SH3BP5: variants seen among roughly 807,000 people sequenced by gnomAD.
SH3BP5 encodes SH3 domain binding protein 5, also known as SH3 domain-binding protein 5.
In SH3BP5, 22 loss-of-function variants were observed where a neutral mutation model predicts 43.3. That is an observed-to-expected ratio of 0.51 (90% CI 0.36 to 0.73). The LOEUF (loss-of-function observed/expected upper bound fraction) is 0.73. Ranked by LOEUF, SH3BP5 falls within the 30% of genes least tolerant of loss-of-function variation. The pLI is 0.00. For missense variants in SH3BP5, 529 were observed against 586.9 expected, an observed-to-expected ratio of 0.90 and a Z score of 1.02; for synonymous variants, 255 against 225.8, an observed-to-expected ratio of 1.13 and a Z score of -1.16.
At chr3:15,285,807 T>G (rs1472014190) in intron 3 of SH3BP5, among the ~76,000 whole-genome samples, 1 of 152,214 alleles carries the variant, frequency 6.6e-6, no homozygotes, top group Non-Finnish European at 1.5e-5. Flanking sequence ...CACTCAGCAC[T>G]GTTTGTTGCC....
chr3:15,317,845 C>T (rs1559456181), intron 2 of SH3BP5, among the ~76,000 whole-genome samples: 1 of 152,254 alleles, frequency 6.6e-6, no homozygotes, highest in East Asian at 1.9e-4. Context: ...AGATAAAGAT[C>T]CTCTCCCAAG....
At chr3:15,297,927 G>A (rs1156971359) in intron 3 of SH3BP5, among the ~76,000 whole-genome samples, 3 of 151,618 alleles carry the variant, frequency 2.0e-5, no homozygotes, top group African/African-American at 7.3e-5. Context: ...GTTTTAGGGT[G>A]GTTGGCTTCA....
chr3:15,329,060 G>A (rs927227816), intron 2 of SH3BP5, among the ~76,000 whole-genome samples: 1 of 152,034 alleles, frequency 6.6e-6, no homozygotes, highest in Admixed American at 6.5e-5. Context: ...TGAGGAATGA[G>A]AATCACTTGA....
intron 3 of SH3BP5, among the ~76,000 whole-genome samples, chr3:15,292,213 ACATCTGAAGAG>A (rs2125095089): frequency 6.6e-6 from 1 of 152,292 alleles, no homozygotes; most frequent in African/African-American, 2.4e-5. Context: ...AAGGAAGGAA[ACATCTGAAGAG>A]CATCATGGTT....
intron 3 of SH3BP5, among the ~76,000 whole-genome samples, chr3:15,301,960 G>A (rs531458935): frequency 2.6e-5 from 4 of 152,280 alleles, no homozygotes; most frequent in South Asian, 2.1e-4. Context: ...GCATGGGCAC[G>A]TGGGCTGCTT....
intron 2 of SH3BP5, among the ~76,000 whole-genome samples, chr3:15,311,516 C>T (rs527741109): frequency 5.3e-5 from 8 of 151,986 alleles, no homozygotes; most frequent in South Asian, 4.2e-4. Flanking sequence ...GCTGAGATCA[C>T]GCCACTGCAC....
chr3:15,284,050 A>C (rs1328198868), intron 3 of SH3BP5, among the ~76,000 whole-genome samples: 3 of 152,196 alleles, frequency 2.0e-5, no homozygotes, highest in Admixed American at 6.5e-5. Flanking sequence ...TGGAGAGAAG[A>C]AGCACCAATG....
chr3:15,295,739 C>T (rs1430495408), intron 3 of SH3BP5, among the ~76,000 whole-genome samples: 1 of 152,188 alleles, frequency 6.6e-6, no homozygotes, highest in East Asian at 1.9e-4. Context: ...ATCCGCTGTG[C>T]ATGACGAAGC....
Position 15,262,223 on chromosome 3 carries a change from T to C in SH3BP5, c.562A>G (p.Asn188Asp), listed in dbSNP as rs1439165209. Residue 188 changes from asparagine (N) to aspartate (D), a missense_variant, in exon 5 of 9, where the codon AAT becomes GAT. Transcript: ENST00000383791. ...TGTCGCATGCGGCCCATGGCGGCAT[T>C]GTACCTGGCTGCCGTCTCCTTATGC... Reference protein sequence around the residue: ...LVHKETAARYNAAMGRMRQLE... With the variant: ...LVHKETAARYDAAMGRMRQLE... The C allele has an allele frequency of 6.2e-7, 1 of 1,614,200 alleles. No homozygotes were observed. Among genetic ancestry groups the C allele is most frequent in the Non-Finnish European group, 8.5e-7 (1 of 1,180,022 alleles).
intron 1 of SH3BP5, among the ~76,000 whole-genome samples, chr3:15,331,611 G>C (rs1575359442): frequency 6.6e-6 from 1 of 152,166 alleles, no homozygotes; most frequent in African/African-American, 2.4e-5. Flanking sequence ...GCCTCCACGC[G>C]TCAGCTTTGC....
chr3:15,328,927 A>G (rs1698532232), intron 2 of SH3BP5, among the ~76,000 whole-genome samples: 1 of 152,184 alleles, frequency 6.6e-6, no homozygotes, highest in Non-Finnish European at 1.5e-5. Context: ...TATAGTGGCA[A>G]CTGGGCTCTT....
At chr3:15,261,643 C>T (rs147821145) in intron 5 of SH3BP5, among the ~76,000 whole-genome samples, 2 of 152,160 alleles carry the variant, frequency 1.3e-5, no homozygotes, top group East Asian at 3.9e-4. Context: ...GTTGTGCCTG[C>T]CCACCATTAT....
chr3:15,273,841 G>A (rs1696884020), intron 3 of SH3BP5, among the ~76,000 whole-genome samples: 1 of 152,110 alleles, frequency 6.6e-6, no homozygotes, highest in African/African-American at 2.4e-5. Context: ...TGGACTGAAT[G>A]TTTGTGCCCA....
At chr3:15,267,574 C>T (rs990069257) in intron 4 of SH3BP5, among the ~76,000 whole-genome samples, 1 of 152,228 alleles carries the variant, frequency 6.6e-6, no homozygotes, top group Non-Finnish European at 1.5e-5. Flanking sequence ...GGGCCCTTCC[C>T]TTCAGTGGCC....
At chr3:15,289,276 A>G (rs1483300130) in intron 3 of SH3BP5, among the ~76,000 whole-genome samples, 2 of 152,190 alleles carry the variant, frequency 1.3e-5, no homozygotes, top group African/African-American at 4.8e-5. Flanking sequence ...ACCTGTGACT[A>G]CCTGACCAAG....
intron 3 of SH3BP5, among the ~76,000 whole-genome samples, chr3:15,303,802 T>C (rs560630892): frequency 6.6e-6 from 1 of 152,240 alleles, no homozygotes; most frequent in East Asian, 1.9e-4. Flanking sequence ...TTCCTACTGC[T>C]GTCTGACAGG....
intron 2 of SH3BP5, among the ~76,000 whole-genome samples, chr3:15,316,219 C>CTTTTTTTTT (rs577644493): frequency 4.9e-5 from 4 of 81,686 alleles, no homozygotes; most frequent in East Asian, 4.0e-4. Flanking sequence ...AAAAGACTCG[C>CTTTTTTTTT]TTTTTTTTTT....
At chr3:15,279,747 A>C (rs1463506647) in intron 3 of SH3BP5, among the ~76,000 whole-genome samples, 1 of 152,120 alleles carries the variant, frequency 6.6e-6, no homozygotes, top group Non-Finnish European at 1.5e-5. Context: ...AGTCATCCAG[A>C]CTAACCAGGG....
At chr3:15,268,968 A>G (rs1343662382) in intron 4 of SH3BP5, among the ~76,000 whole-genome samples, 5 of 152,136 alleles carry the variant, frequency 3.3e-5, no homozygotes, top group Non-Finnish European at 7.4e-5. Context: ...CTACCAATGC[A>G]CTTCTCATCC....
Sources: allele counts gnomAD v4.1 joint callset (sites outside exome capture counted in the v4.1 genomes callset), GRCh38; gene constraint gnomAD v4.1.1; transcripts MANE v1.5; gene names NCBI Gene and HGNC (gene_info 2026-07-23, HGNC 2026-07-21).